The following LRRIQ1 variants were observed in gnomAD, a reference collection of about 807,000 sequenced individuals.
LRRIQ1 encodes leucine-rich repeat- and IQ domain-containing protein 1.
A neutral mutation model predicts 211.9 loss-of-function variants in LRRIQ1; 210 were observed. That is an observed-to-expected ratio of 0.99 (90% CI 0.89 to 1.11). LRRIQ1 has a LOEUF of 1.11. LRRIQ1 is among the 50% of genes most tolerant of loss of function. The probability of loss-of-function intolerance (pLI) is 0.00; values close to 1 mark genes in which losing one functional copy is unlikely to be tolerated. For synonymous variants in LRRIQ1, 699 were observed against 650.1 expected (o/e 1.08, Z -1.14); for missense variants, 2,136 against 1,939.5 (o/e 1.10, Z -1.90).
At chr12:85,121,620 G>A (rs1887991008) in intron 15 of LRRIQ1, 77 bp from the exon 16 acceptor site, 2 of 1,004,070 alleles carry the variant, frequency 2.0e-6, no homozygotes, top group Non-Finnish European at 2.7e-6. Flanking sequence ...TTATTTAAAT[G>A]ATTAGTATAT....
At chr12:85,118,574 T>G (rs958435171) in intron 15 of LRRIQ1, among the ~76,000 whole-genome samples, 3 of 151,578 alleles carry the variant, frequency 2.0e-5, no homozygotes, top group African/African-American at 7.3e-5. Context: ...AATTTACTAT[T>G]ACTACCAAGA....
intron 24 of LRRIQ1, among the ~76,000 whole-genome samples, chr12:85,219,199 G>A (rs1254791802): frequency 6.6e-6 from 1 of 151,964 alleles, no homozygotes; most frequent in Non-Finnish European, 1.5e-5. Flanking sequence ...TATAGTATTT[G>A]GTACTGCACA....
chr12:85,204,311 G>C (rs184136501), intron 24 of LRRIQ1, among the ~76,000 whole-genome samples: 12 of 152,318 alleles, frequency 7.9e-5, no homozygotes, highest in South Asian at 4.1e-4. Context: ...GAGAACTTCT[G>C]CTAGGGCAGC....
chr12:85,265,086 A>G (rs149898344), downstream of LRRIQ1, among the ~76,000 whole-genome samples: 3 of 152,198 alleles, frequency 2.0e-5, no homozygotes, highest in Admixed American at 6.5e-5. Context: ...CACCAACAAT[A>G]TATTTGTGTA....
At position 85,232,447 on chromosome 12, in the gene LRRIQ1, G is replaced by A. The variant is rs556386902; in HGVS notation, c.4956-249G>A. ...TAATCAATTGTGGCTCTTTGCATGTGTTTATGTTTGACAAAGAAGAGTGGT... is the reference window on the plus strand; with the variant it reads ...TAATCAATTGTGGCTCTTTGCATGTATTTATGTTTGACAAAGAAGAGTGGT... On this transcript the variant is annotated intron_variant, in intron 25 of 26. Transcript: ENST00000393217. 4.6e-5 allele frequency among the ~76,000 whole-genome samples: 7 copies of A among 152,202 alleles called. No individual in the cohort carries two copies. The East Asian group carries it at 1.3e-3, about 29-fold the overall frequency.
rs1399583643 is a variant in LRRIQ1 at position 85,169,380 on chromosome 12, T to C, written c.4822+8666T>C. On this transcript the variant is annotated intron_variant, in intron 24 of 26. Transcript: ENST00000393217. ...ATAATTGAAGATCAGGAGCTATGTTTTGATTTTTTTAATGTGATATGATAG... is the reference window on the plus strand; with the variant it reads ...ATAATTGAAGATCAGGAGCTATGTTCTGATTTTTTTAATGTGATATGATAG... 3.9e-5 allele frequency among the ~76,000 whole-genome samples: 6 copies of C among 152,160 alleles called. No homozygotes were observed. In the East Asian group the frequency reaches 9.7e-4, roughly 25 times the overall value.
At chr12:85,207,565 G>A (rs1451144860) in intron 24 of LRRIQ1, among the ~76,000 whole-genome samples, 1 of 151,952 alleles carries the variant, frequency 6.6e-6, no homozygotes, top group African/African-American at 2.4e-5. Flanking sequence ...CATGGATTGT[G>A]CCCTTGATGT....
intron 24 of LRRIQ1, among the ~76,000 whole-genome samples, chr12:85,206,959 G>A (rs563348168): frequency 1.4e-4 from 22 of 152,082 alleles, no homozygotes; most frequent in Admixed American, 2.6e-4. Flanking sequence ...CACTGACCTT[G>A]CTCCCCTGCA....
At chr12:85,170,016 C>T (rs1272628773) in intron 24 of LRRIQ1, among the ~76,000 whole-genome samples, 2 of 151,952 alleles carry the variant, frequency 1.3e-5, no homozygotes, top group Non-Finnish European at 2.9e-5. Flanking sequence ...CAATTTTCTA[C>T]AGAAAAAATA....
chr12:85,086,914 A>T lies in LRRIQ1; in HGVS notation c.2888-11441A>T, dbSNP rs1046711926. Among the ~76,000 whole-genome samples, 4 of 149,848 alleles carry T rather than the reference A, an allele frequency of 2.7e-5. No homozygotes were observed. In the East Asian group the frequency reaches 7.8e-4, roughly 29 times the overall value. On this transcript the variant is annotated intron_variant, in intron 11 of 26. Transcript: ENST00000393217. The stretch of plus-strand genomic sequence containing the variant: ...TTTCTCCTCCACTTTGCATTCAACG[A>T]TTGAATCTCAGATTGTTCTTCATTA...
At chr12:85,250,418 G>A (rs1015412669) in intron 1 of LRRIQ1, among the ~76,000 whole-genome samples, 3 of 151,638 alleles carry the variant, frequency 2.0e-5, no homozygotes, top group African/African-American at 7.3e-5. Context: ...TAGCCTATAT[G>A]AAGCCAATCC....
chr12:85,093,648 A>G (rs557132867), intron 11 of LRRIQ1, among the ~76,000 whole-genome samples: 7 of 152,348 alleles, frequency 4.6e-5, no homozygotes, highest in African/African-American at 7.2e-5. Context: ...GCTTACTTCT[A>G]TGACATATGA....
chr12:85,197,930 T>G (rs1174837433), intron 24 of LRRIQ1, among the ~76,000 whole-genome samples: 18 of 110,444 alleles, frequency 1.6e-4, no homozygotes, highest in Non-Finnish European at 2.5e-4. Flanking sequence ...ATATATAATA[T>G]AATTATATAT....
intron 1 of LRRIQ1, among the ~76,000 whole-genome samples, chr12:85,251,681 A>G (rs1430443198): frequency 6.6e-6 from 1 of 151,860 alleles, no homozygotes; most frequent in Non-Finnish European, 1.5e-5. Context: ...TGTAAACTTG[A>G]ATAGGATATT....
At chr12:85,189,821 AAAT>A (rs1375325220) in intron 24 of LRRIQ1, among the ~76,000 whole-genome samples, 8 of 145,766 alleles carry the variant, frequency 5.5e-5, no homozygotes, top group East Asian at 2.0e-4. Flanking sequence ...CAGTTAATAT[AAAT>A]AATAATTAAA....
chr12:85,257,446 C>A (rs1331044178), intron 1 of LRRIQ1, among the ~76,000 whole-genome samples: 1 of 150,628 alleles, frequency 6.6e-6, no homozygotes, highest in Non-Finnish European at 1.5e-5. Context: ...CTTATATGAC[C>A]TGATTTTCAG....
chr12:85,179,834 C>T (rs1478374704), intron 24 of LRRIQ1, among the ~76,000 whole-genome samples: 1 of 151,896 alleles, frequency 6.6e-6, no homozygotes, highest in Non-Finnish European at 1.5e-5. Flanking sequence ...GTCTCTGTAA[C>T]ATCGTCTGTG....
chr12:85,245,153 G>A, downstream of LRRIQ1: 5 of 696,206 alleles, frequency 7.2e-6, no homozygotes, highest in Non-Finnish European at 1.1e-5. Flanking sequence ...AATATCTCCT[G>A]CCCCCCACAC....
intron 24 of LRRIQ1, among the ~76,000 whole-genome samples, chr12:85,163,139 C>G (rs1012643858): frequency 6.6e-6 from 1 of 152,124 alleles, no homozygotes; most frequent in Non-Finnish European, 1.5e-5. Context: ...CCAACTTACC[C>G]CTACTGCCCA....
Sources: gnomAD v4.1 joint callset for allele counts (sites outside exome capture counted in the v4.1 genomes callset) on GRCh38, gnomAD v4.1.1 for gene constraint, MANE v1.5 for transcripts, NCBI Gene and HGNC (gene_info 2026-07-23, HGNC 2026-07-21) for gene names.